PGPEP1: variants seen among roughly 807,000 people sequenced by gnomAD.
PGPEP1 encodes the protein pyroglutamyl-peptidase I.
Under a neutral mutation model 24.1 loss-of-function variants are expected in PGPEP1, and 15 were observed. The observed-to-expected ratio is 0.62, with a 90% confidence interval of 0.42 to 0.96. The LOEUF (loss-of-function observed/expected upper bound fraction) is 0.96, where lower values mean the gene tolerates loss of function less well. PGPEP1 is among the 40% of genes least tolerant of loss of function. The probability of loss-of-function intolerance (pLI) is 0.00; values close to 1 mark genes in which losing one functional copy is unlikely to be tolerated. For missense variants in PGPEP1, 242 were observed against 273.4 expected (o/e 0.89, Z 0.81); for synonymous variants, 122 against 116.4 (o/e 1.05, Z -0.31).
At chr19:18,356,440 A>G (rs1459911333) in intron 3 of PGPEP1, among the ~76,000 whole-genome samples, 1 of 145,608 alleles carries the variant, frequency 6.9e-6, no homozygotes, top group Non-Finnish European at 1.5e-5. Context: ...CTCAAAAAAA[A>G]CAAAAAAACC....
chr19:18,347,432 G>GTCTCTCTC (rs148553230), intron 2 of PGPEP1, among the ~76,000 whole-genome samples: 1 of 146,850 alleles, frequency 6.8e-6, no homozygotes, highest in African/African-American at 2.5e-5. Context: ...CTGTCTCCCT[G>GTCTCTCTC]TCTCTCTCTC....
At position 18,342,883 on chromosome 19, in the gene PGPEP1, C is replaced by T; in HGVS notation, c.59C>T (p.Thr20Ile). 3.7e-6 allele frequency: 6 copies of T among 1,613,916 alleles called. No homozygotes were observed. Among genetic ancestry groups the T allele is most frequent in the Non-Finnish European group, 5.1e-6 (6 of 1,179,792 alleles). Reference sequence around the variant, plus strand: ...GGATTTGGCCCTTTTGGGGAACACACCGTGAACGCCAGTTGGATTGCAGTT... The same window carrying T: ...GGATTTGGCCCTTTTGGGGAACACATCGTGAACGCCAGTTGGATTGCAGTT... ...VTGFGPFGEH[T>I]VNASWIAVQE... The change falls in exon 2 of 5, where the codon ACC (threonine) becomes ATC (isoleucine). Residue 20 changes from threonine (T) to isoleucine (I), a missense_variant. Physicochemically the swap from Thr to Ile is moderately conservative, Grantham distance 89 (BLOSUM62 -1). Coordinates refer to ENST00000269919, the MANE Select transcript of PGPEP1 (RefSeq NM_017712.4).
chr19:18,360,046 A>G (rs1479061803), intron 4 of PGPEP1, among the ~76,000 whole-genome samples: 1 of 152,036 alleles, frequency 6.6e-6, no homozygotes, highest in Non-Finnish European at 1.5e-5. Flanking sequence ...GCTCTGTTGC[A>G]TAGGCTGGAG....
chr19:18,349,212 C>T (rs1354212906), intron 2 of PGPEP1: 1 of 595,064 alleles, frequency 1.7e-6, no homozygotes, highest in East Asian at 1.4e-4. Flanking sequence ...GACAGAATCT[C>T]ACTCTGTCAT....
intron 2 of PGPEP1, chr19:18,349,218 G>C (rs1285070852): frequency 5.2e-6 from 3 of 580,208 alleles, no homozygotes; most frequent in East Asian, 2.7e-4. Flanking sequence ...ATCTCACTCT[G>C]TCATCCAGGC....
chr19:18,360,066 A>G (rs1435743857), intron 4 of PGPEP1, among the ~76,000 whole-genome samples: 1 of 152,070 alleles, frequency 6.6e-6, no homozygotes, highest in Non-Finnish European at 1.5e-5. Context: ...GTCAAGTAGT[A>G]TAATCACAGC....
At chr19:18,346,442 G>A (rs905147436) in intron 2 of PGPEP1, among the ~76,000 whole-genome samples, 14 of 151,902 alleles carry the variant, frequency 9.2e-5, no homozygotes, top group South Asian at 2.1e-4. Context: ...CCGATTTTTC[G>A]GAAGCTCCTC....
rs60299417 is a variant in PGPEP1, at chr19:18,352,266, CA to C, written c.88-3608del. ...TGGGTGACAGAGCGAGACTCCGTCT[CA>C]AAAAAAAAAAAAAAAAAAAATTAGT... On this transcript the variant is annotated intron_variant, in intron 2 of 4. Coordinates refer to ENST00000269919, the MANE Select transcript of PGPEP1 (RefSeq NM_017712.4). Among the ~76,000 whole-genome samples, 121 of 43,654 alleles carry C rather than the reference CA, an allele frequency of 2.8e-3. 2 individuals carry two copies. The highest frequency in any genetic ancestry group is 4.4e-3 in the African/African-American group (58 of 13,140). The allele number at this position is 43,654 out of a possible 152,430, so 28.6% of individuals were successfully genotyped here. A position where few individuals can be genotyped will look rare whatever the true frequency, so the allele number is the denominator to read the frequency against.
intron 1 of PGPEP1, among the ~76,000 whole-genome samples, chr19:18,342,191 G>A (rs1284722253): frequency 1.3e-5 from 2 of 152,266 alleles, no homozygotes; most frequent in East Asian, 3.9e-4. Context: ...TTACAGGCAT[G>A]AGCCACCGCA....
rs4808785 is a variant in PGPEP1 at position 18,357,061 on chromosome 19, T to C, written c.205-322T>C. ...TCAACAAAGAAACAAAAACACTGCA[T>C]TGGCATTTTAACACTTGCATAGCAG... On this transcript the variant is annotated intron_variant, in intron 3 of 4. Transcript: ENST00000269919. 4.6e-3 allele frequency among the ~76,000 whole-genome samples: 704 copies of C among 152,250 alleles called. 10 individuals are homozygous for C. Among genetic ancestry groups the C allele is most frequent in the Admixed American group, 0.032 (489 of 15,272 alleles).
chr19:18,343,090 C>G (rs942322540), intron 2 of PGPEP1, among the ~76,000 whole-genome samples, 179 bp downstream of exon 2: 2 of 151,966 alleles, frequency 1.3e-5, no homozygotes, highest in African/African-American at 4.8e-5. Context: ...ACCTTCGCCT[C>G]CTGGGTTTAA....
chr19:18,343,604 G>A (rs1970738796), intron 2 of PGPEP1, among the ~76,000 whole-genome samples: 1 of 151,638 alleles, frequency 6.6e-6, no homozygotes, highest in South Asian at 2.1e-4. Flanking sequence ...AACGTAGCTG[G>A]TTTCCAGGAC....
chr19:18,349,445 G>GC (rs1239470761), intron 2 of PGPEP1, among the ~76,000 whole-genome samples: 1 of 152,108 alleles, frequency 6.6e-6, no homozygotes, highest in African/African-American at 2.4e-5. Flanking sequence ...ACAGGTGTGA[G>GC]CCACCCACCC....
chr19:18,353,318 C>G (rs950120441), intron 2 of PGPEP1, among the ~76,000 whole-genome samples: 14 of 151,758 alleles, frequency 9.2e-5, no homozygotes, highest in African/African-American at 3.4e-4. Flanking sequence ...CCCTCCCTGG[C>G]TCAAGCAATC....
chr19:18,352,189 GT>G (rs35056431), intron 2 of PGPEP1, among the ~76,000 whole-genome samples: 13,519 of 148,342 alleles, frequency 0.091, 891 homozygotes, highest in Middle Eastern at 0.19. Context: ...GGAGAATGGC[GT>G]GAACCCGGGA....
chr19:18,352,269 A>AAAAAAAAAAG, intron 2 of PGPEP1, among the ~76,000 whole-genome samples: 1 of 145,160 alleles, frequency 6.9e-6, no homozygotes, highest in East Asian at 2.0e-4. Context: ...TCCGTCTCAA[A>AAAAAAAAAAG]AAAAAAAAAA....
chr19:18,363,278 G>A (rs1971401853), intron 4 of PGPEP1, 113 bp from the exon 5 acceptor site: 1 of 765,006 alleles, frequency 1.3e-6, no homozygotes, highest in Non-Finnish European at 2.1e-6. Flanking sequence ...CATCTTGTGG[G>A]TTGCTGGTAA....
At chr19:18,363,068 T>TGTG (rs60619670) in intron 4 of PGPEP1, among the ~76,000 whole-genome samples, 1 of 146,706 alleles carries the variant, frequency 6.8e-6, no homozygotes, top group African/African-American at 2.5e-5. Flanking sequence ...TGTGTGTGTG[T>TGTG]TTTAAAGAGA....
intron 2 of PGPEP1, among the ~76,000 whole-genome samples, chr19:18,348,489 T>A (rs1374636150): frequency 9.2e-5 from 14 of 152,156 alleles, no homozygotes; most frequent in South Asian, 2.1e-4. Context: ...GCTTTGATGG[T>A]GCATGAGGCC....
Sources: allele counts gnomAD v4.1 joint callset (sites outside exome capture counted in the v4.1 genomes callset), GRCh38; gene constraint gnomAD v4.1.1; transcripts MANE v1.5; gene names NCBI Gene and HGNC (gene_info 2026-07-23, HGNC 2026-07-21).